The following PCDHGA10 variants were observed in gnomAD, a reference collection of about 807,000 sequenced individuals.
The protein encoded by PCDHGA10 is protocadherin gamma-A10.
Under a neutral mutation model 59.5 loss-of-function variants are expected in PCDHGA10, and 42 were observed. That is an observed-to-expected ratio of 0.71 (90% CI 0.55 to 0.91). PCDHGA10 has a LOEUF of 0.91. PCDHGA10 is among the 40% of genes least tolerant of loss of function. The pLI is 0.00. For missense variants in PCDHGA10, 1,111 were observed against 1,198.2 expected (o/e 0.93, Z 1.07); for synonymous variants, 511 against 517.2 (o/e 0.99, Z 0.16).
At position 141,486,960 on chromosome 5, in the gene PCDHGA10, T is replaced by C; in HGVS notation, c.2437-7847T>C. On this transcript the variant is annotated intron_variant, in intron 1 of 3. Transcript: ENST00000398610. The surrounding 1 kb of genome is among the most constrained non-coding windows in gnomAD (Gnocchi z 5.0). Reference sequence around the variant, plus strand: ...CACCTAATCACAAAGGTGACTGCTGTGGACTTGGATTCAGGTTACAATGCT... The same window carrying C: ...CACCTAATCACAAAGGTGACTGCTGCGGACTTGGATTCAGGTTACAATGCT... The C allele has an allele frequency of 6.2e-7, 1 of 1,614,228 alleles. No individual in the cohort carries two copies. Among genetic ancestry groups the C allele is most frequent in the Non-Finnish European group, 8.5e-7 (1 of 1,180,034 alleles).
intron 1 of PCDHGA10, among the ~76,000 whole-genome samples, chr5:141,448,768 G>T (rs544426582): frequency 2.6e-5 from 4 of 151,750 alleles, no homozygotes; most frequent in Non-Finnish European, 4.4e-5. Context: ...GTGAAACCCC[G>T]TCTGTACTAA....
At chr5:141,441,655 C>A in intron 1 of PCDHGA10, 1 of 247,430 alleles carries the variant, frequency 4.0e-6, no homozygotes. Context: ...TTCTAGGTGT[C>A]CTTGAGCGCA....
intron 1 of PCDHGA10, chr5:141,422,903 A>G (rs1444530801): frequency 1.9e-6 from 3 of 1,614,036 alleles, no homozygotes; most frequent in African/African-American, 2.7e-5. Context: ...CAGAACGACA[A>G]TGCGCCCGAG....
chr5:141,477,268 C>A lies in PCDHGA10; in HGVS notation c.2437-17539C>A, dbSNP rs2099408532. On this transcript the variant is annotated intron_variant, in intron 1 of 3. Transcript: ENST00000398610. This position sits in a 1 kb window ranked among gnomAD's most constrained non-coding sequence, Gnocchi z 4.9. ...TGACTGACCTGGATGCTGGCGAGAA[C>A]GGGCTGGTGACCTGCGAAGTTCCAC... 1.2e-6 allele frequency: 2 copies of A among 1,614,078 alleles called. No individual in the cohort carries two copies. Among genetic ancestry groups the A allele is most frequent in the Non-Finnish European group, 1.7e-6 (2 of 1,180,038 alleles).
chr5:141,413,078 C>A lies in PCDHGA10; in HGVS notation c.-98C>A. 1 of 1,301,148 alleles carries A rather than the reference C, an allele frequency of 7.7e-7. No individual in the cohort carries two copies. The highest frequency in any genetic ancestry group is 1.1e-6 in the Non-Finnish European group (1 of 951,828). 80.6% of individuals were successfully genotyped at this position (1,301,148 alleles called of 1,614,324 possible). A position where few individuals can be genotyped will look rare whatever the true frequency, so the allele number is the denominator to read the frequency against. On this transcript the variant is annotated 5_prime_UTR_variant, in exon 1 of 4. Transcript: ENST00000398610. ...CACTCCAGAATTTAAAGTGCCCAGG[C>A]TACAGAGACACCCTGAAGCCACAGA...
chr5:141,476,453 G>C lies in PCDHGA10; in HGVS notation c.2437-18354G>C. On this transcript the variant is annotated intron_variant, in intron 1 of 3. Coordinates refer to ENST00000398610, the MANE Select transcript of PCDHGA10 (RefSeq NM_018913.3). This position sits in a 1 kb window ranked among gnomAD's most constrained non-coding sequence, Gnocchi z 7.6. The stretch of plus-strand genomic sequence containing the variant: ...CACTGTAACTCTGGAGTTGGTAGTG[G>C]AGAACCCGCTGGAGCTGTTCAGCGT... 2 of 1,614,138 alleles carry C rather than the reference G, an allele frequency of 1.2e-6. No homozygotes were observed. Among genetic ancestry groups the C allele is most frequent in the Non-Finnish European group, 1.7e-6 (2 of 1,180,022 alleles).
rs747633858 is a variant in PCDHGA10, at chr5:141,491,133, C to T, written c.2437-3674C>T. 6.2e-6 allele frequency: 10 copies of T among 1,614,158 alleles called. No homozygotes were observed. In the South Asian group the frequency reaches 9.9e-5, roughly 16 times the overall value. The stretch of plus-strand genomic sequence containing the variant: ...CACACACTGGTGAGGTGCGCACAGC[C>T]CGGGCCTTACTGGAGGATGACTCTG... On this transcript the variant is annotated intron_variant, in intron 1 of 3. Transcript: ENST00000398610. The surrounding 1 kb of genome is among the most constrained non-coding windows in gnomAD (Gnocchi z 6.9).
chr5:141,450,817 A>G, intron 1 of PCDHGA10, among the ~76,000 whole-genome samples: 1 of 137,534 alleles, frequency 7.3e-6, no homozygotes, highest in East Asian at 2.1e-4. Context: ...TTTATTTAAT[A>G]TTATTATTAT....
intron 1 of PCDHGA10, chr5:141,427,247 T>C (rs1409945260): frequency 2.2e-6 from 1 of 456,582 alleles, no homozygotes; most frequent in Non-Finnish European, 4.4e-6. Context: ...AAGCTAAGGA[T>C]GGTGGAGGCA....
Position 141,477,918 on chromosome 5 carries a change from G to A in PCDHGA10, c.2437-16889G>A. 1 of 1,614,154 alleles carries A rather than the reference G, an allele frequency of 6.2e-7. No individual in the cohort carries two copies. Among genetic ancestry groups the A allele is most frequent in the Admixed American group, 1.7e-5 (1 of 60,026 alleles). ...GTGGTAGGCTGGGACGCGGATGCAG[G>A]GCACAATGCCTGGCTCTCCTACAGT... is the stretch of plus-strand genomic sequence containing the variant. On this transcript the variant is annotated intron_variant, in intron 1 of 3. Coordinates refer to ENST00000398610, the MANE Select transcript of PCDHGA10 (RefSeq NM_018913.3). The surrounding 1 kb of genome is among the most constrained non-coding windows in gnomAD (Gnocchi z 4.9).
At chr5:141,474,892 A>G (rs1419975508) in intron 1 of PCDHGA10, among the ~76,000 whole-genome samples, 1 of 152,208 alleles carries the variant, frequency 6.6e-6, no homozygotes, top group Non-Finnish European at 1.5e-5. Context: ...TTAGAGGTTC[A>G]TTTCTTGTTC....
chr5:141,442,317 A>T (rs1257883989), intron 1 of PCDHGA10: 2 of 152,400 alleles, frequency 1.3e-5, no homozygotes, highest in Admixed American at 6.5e-5. Context: ...ACGGATGTCT[A>T]TCCCGCGCTA....
chr5:141,489,254 C>T lies in PCDHGA10; in HGVS notation c.2437-5553C>T, dbSNP rs2099684538. 2 of 1,548,628 alleles carry T rather than the reference C, an allele frequency of 1.3e-6. No homozygotes were observed. Among genetic ancestry groups the T allele is most frequent in the African/African-American group, 1.4e-5 (1 of 73,008 alleles). ...GACTTCTGGGTCATGGGGCCCAAGA[C>T]ACTCCCACAGCTCGCTGGGAAATGG... is the stretch of plus-strand genomic sequence containing the variant. On this transcript the variant is annotated intron_variant, in intron 1 of 3. Transcript: ENST00000398610. This position sits in a 1 kb window ranked among gnomAD's most constrained non-coding sequence, Gnocchi z 4.5.
intron 2 of PCDHGA10, 99 bp from the exon 3 acceptor site, chr5:141,505,294 G>T: frequency 6.4e-7 from 1 of 1,572,086 alleles, no homozygotes; most frequent in Non-Finnish European, 8.6e-7. Context: ...GCATGGGGTA[G>T]GGTTAGGGTA....
chr5:141,485,577 G>A lies in PCDHGA10; in HGVS notation c.2437-9230G>A. Reference sequence around the variant, plus strand: ...AATGATCACGCCCCCCGTTTTCCGCGGCAGCAGCTGGACTTGGAAATTGGG... The same window carrying A: ...AATGATCACGCCCCCCGTTTTCCGCAGCAGCAGCTGGACTTGGAAATTGGG... On this transcript the variant is annotated intron_variant, in intron 1 of 3. Transcript: ENST00000398610. This position sits in a 1 kb window ranked among gnomAD's most constrained non-coding sequence, Gnocchi z 5.7. 2 of 1,612,500 alleles carry A rather than the reference G, an allele frequency of 1.2e-6. No individual in the cohort carries two copies. Among genetic ancestry groups the A allele is most frequent in the Non-Finnish European group, 8.5e-7 (1 of 1,178,676 alleles).
chr5:141,425,949 C>T (rs2096905190), intron 1 of PCDHGA10, among the ~76,000 whole-genome samples: 1 of 152,224 alleles, frequency 6.6e-6, no homozygotes. Flanking sequence ...GTTTCCTATA[C>T]ATTAGTCCAA....
At chr5:141,507,178 G>A (rs548016031) in intron 3 of PCDHGA10, 4 of 152,350 alleles carry the variant, frequency 2.6e-5, no homozygotes, top group East Asian at 3.9e-4. Flanking sequence ...CCTCTTCCTC[G>A]AGCTCTGCTT....
intron 1 of PCDHGA10, chr5:141,422,052 C>T: frequency 6.2e-7 from 1 of 1,611,298 alleles, no homozygotes; most frequent in Non-Finnish European, 8.5e-7. Flanking sequence ...AGGGAATCAA[C>T]GGGGAAGTAA....
intron 1 of PCDHGA10, chr5:141,417,692 C>A: frequency 9.2e-7 from 1 of 1,089,116 alleles, no homozygotes; most frequent in Non-Finnish European, 1.3e-6. Context: ...AAAAGAAAAC[C>A]AGCTCCCACA....
Sources: gnomAD v4.1 joint callset for allele counts (sites outside exome capture counted in the v4.1 genomes callset) on GRCh38, gnomAD v4.1.1 for gene constraint, Gnocchi (gnomAD v3.1) non-coding constraint, MANE v1.5 for transcripts, NCBI Gene and HGNC (gene_info 2026-07-23, HGNC 2026-07-21) for gene names.